The following TSPAN4 variants were observed in gnomAD, a reference collection of about 807,000 sequenced individuals.
TSPAN4 encodes tetraspanin-4.
In TSPAN4, 38 loss-of-function variants were observed where a neutral mutation model predicts 31.5. The ratio of observed to expected loss-of-function variants is 1.21; its 90% CI spans 0.93 to 1.58. The LOEUF (loss-of-function observed/expected upper bound fraction) is 1.58, where lower values mean the gene tolerates loss of function less well. TSPAN4 is among the 40% of genes most tolerant of loss of function. The pLI is 0.00. For missense variants in TSPAN4, 330 were observed against 317.3 expected (o/e 1.04, Z -0.30); for synonymous variants, 186 against 144.6 (o/e 1.29, Z -2.06).
chr11:861,910 G>A (rs1254753439), intron 3 of TSPAN4, among the ~76,000 whole-genome samples: 2 of 152,166 alleles, frequency 1.3e-5, no homozygotes, highest in Non-Finnish European at 2.9e-5. Context: ...GCAACAGGGT[G>A]AGACTCCATC....
At chr11:842,975 A>G (rs1847052472) in intron 1 of TSPAN4, 60 bp downstream of exon 1, 2 of 151,308 alleles carry the variant, frequency 1.3e-5, no homozygotes, top group African/African-American at 4.9e-5. Flanking sequence ...GAGGTGTCCG[A>G]CCGGGAGCGG....
chr11:855,391 G>A lies in TSPAN4; in HGVS notation c.63+5024G>A, dbSNP rs543785933. Among the ~76,000 whole-genome samples, 6 of 152,346 alleles carry A rather than the reference G, an allele frequency of 3.9e-5. No individual in the cohort carries two copies. In the East Asian group the frequency reaches 5.8e-4, roughly 15 times the overall value. ...CAGGCCACCTCCTTGCTGTTCCCAC[G>A]CAGCCCTGCTGCACCCACAGCCCCG... On this transcript the variant is annotated intron_variant, in intron 3 of 8. Coordinates refer to ENST00000397397, the MANE Select transcript of TSPAN4 (RefSeq NM_003271.5).
intron 1 of TSPAN4, among the ~76,000 whole-genome samples, chr11:845,448 C>T (rs575432182): frequency 2.0e-5 from 3 of 152,216 alleles, no homozygotes; most frequent in East Asian, 3.9e-4. Flanking sequence ...TAGATGGGGC[C>T]GAGACTGAAC....
intron 1 of TSPAN4, among the ~76,000 whole-genome samples, chr11:846,439 C>A (rs1459708485): frequency 6.6e-6 from 1 of 152,202 alleles, no homozygotes; most frequent in Non-Finnish European, 1.5e-5. Flanking sequence ...TCTATGGTTC[C>A]CTCCTGCCCT....
At position 865,535 on chromosome 11, in the gene TSPAN4, A is replaced by T; in HGVS notation, c.353A>T (p.Asp118Val). The T allele has an allele frequency of 1.2e-6, 2 of 1,611,834 alleles. No homozygotes were observed. Among genetic ancestry groups the T allele is most frequent in the Non-Finnish European group, 1.7e-6 (2 of 1,179,762 alleles). Residue 118 changes from aspartate (D) to valine (V), a missense_variant, in exon 6 of 9, where the codon GAC (aspartate) becomes GTC (valine). Asp to Val is a radical substitution (Grantham distance 152). Coordinates refer to ENST00000397397, the MANE Select transcript of TSPAN4 (RefSeq NM_003271.5). Reference sequence around the variant, plus strand: ...CAGATTGACAGGTATGCCCAGCAAGACCTGAAGAAAGGCTTGCACCTGTAC... The same window carrying T: ...CAGATTGACAGGTATGCCCAGCAAGTCCTGAAGAAAGGCTTGCACCTGTAC... ...TDKIDRYAQQ[D>V]LKKGLHLYGT...
chr11:850,078 C>G, intron 2 of TSPAN4: 2 of 405,586 alleles, frequency 4.9e-6, no homozygotes, highest in Non-Finnish European at 8.8e-6. Flanking sequence ...AGCCCCTCTC[C>G]GGAGGGCAAG....
intron 3 of TSPAN4, among the ~76,000 whole-genome samples, chr11:853,453 G>A (rs1847869305): frequency 6.6e-6 from 1 of 152,084 alleles, no homozygotes; most frequent in Non-Finnish European, 1.5e-5. Context: ...GGAGGGGAAG[G>A]GAGGGGCTCG....
intron 3 of TSPAN4, among the ~76,000 whole-genome samples, chr11:852,344 G>A (rs1390392956): frequency 6.6e-6 from 1 of 152,106 alleles, no homozygotes; most frequent in East Asian, 1.9e-4. Context: ...GGTTGGTCTC[G>A]AACTCCTGAC....
intron 4 of TSPAN4, 72 bp from the exon 5 acceptor site, chr11:864,364 TG>T (rs1341904289): frequency 1.3e-6 from 2 of 1,570,006 alleles, no homozygotes; most frequent in African/African-American, 2.7e-5. Flanking sequence ...TACGTGGCCC[TG>T]GCCCCTGGCA....
intron 3 of TSPAN4, among the ~76,000 whole-genome samples, chr11:856,462 G>C (rs1013095445): frequency 6.6e-6 from 1 of 152,196 alleles, no homozygotes; most frequent in Non-Finnish European, 1.5e-5. Context: ...CCCCTCTCCT[G>C]GGCTGTTCCC....
intron 1 of TSPAN4, among the ~76,000 whole-genome samples, chr11:844,834 G>A (rs1361240052): frequency 1.3e-5 from 2 of 152,124 alleles, no homozygotes; most frequent in African/African-American, 4.8e-5. Context: ...GCTGCTTCCT[G>A]CTAGAGGAGG....
At chr11:850,496 G>A in intron 3 of TSPAN4, 129 bp downstream of exon 3, 3 of 787,580 alleles carry the variant, frequency 3.8e-6, no homozygotes, top group Non-Finnish European at 6.1e-6. Flanking sequence ...GATGGTCCCG[G>A]GAGGACCCAA....
chr11:866,202 G>A (rs1285106953), intron 8 of TSPAN4, among the ~76,000 whole-genome samples: 2 of 152,180 alleles, frequency 1.3e-5, no homozygotes, highest in African/African-American at 2.4e-5. Flanking sequence ...AGAGGCAGAG[G>A]CTGGTGTGGG....
intron 8 of TSPAN4, 100 bp downstream of exon 8, chr11:866,101 A>C: frequency 7.5e-7 from 1 of 1,328,978 alleles, no homozygotes; most frequent in Non-Finnish European, 1.0e-6. Flanking sequence ...GGAACCCACG[A>C]TCGGGGGAGG....
Position 860,504 on chromosome 11 carries a change from C to A in TSPAN4, c.64-2046C>A, listed in dbSNP as rs536425204. On this transcript the variant is annotated intron_variant, in intron 3 of 8. Transcript: ENST00000397397. ...AGGGGGCATCTCCCACCCCCAGGCC[C>A]CCTGAGGCAAGAGTGTTGGGGCTCA... 1.1e-4 allele frequency among the ~76,000 whole-genome samples: 16 copies of A among 152,334 alleles called. No individual in the cohort carries two copies. The East Asian group carries it at 3.1e-3, about 29-fold the overall frequency.
At chr11:854,989 A>T (rs1277391345) in intron 3 of TSPAN4, among the ~76,000 whole-genome samples, 2 of 152,194 alleles carry the variant, frequency 1.3e-5, no homozygotes, top group Non-Finnish European at 1.5e-5. Flanking sequence ...AGCGTGTCTG[A>T]GCCTTGGGGA....
intron 3 of TSPAN4, among the ~76,000 whole-genome samples, chr11:850,936 G>A (rs1486480693): frequency 6.6e-6 from 1 of 152,272 alleles, no homozygotes; most frequent in Non-Finnish European, 1.5e-5. Context: ...GAGCAGGGCC[G>A]TGGGCCATCA....
rs1848503148 is a variant in TSPAN4, at chr11:862,353, GC to G, written c.64-194del. ...GTGTGGGTTTGGGGATGGGGTGCCAGCCCAGGGTGTCGGGAAAGACTGGCCT... is the reference window on the plus strand; with the variant it reads ...GTGTGGGTTTGGGGATGGGGTGCCAGCCAGGGTGTCGGGAAAGACTGGCCT... On this transcript the variant is annotated intron_variant, in intron 3 of 8. Transcript: ENST00000397397. 4 of 567,112 alleles carry G rather than the reference GC, an allele frequency of 7.1e-6. No homozygotes were observed. In the South Asian group the frequency reaches 9.2e-5, roughly 13 times the overall value. The allele number at this position is 567,112 out of a possible 1,614,324, so 35.1% of individuals were successfully genotyped here. A position where few individuals can be genotyped will look rare whatever the true frequency, so the allele number is the denominator to read the frequency against.
At position 849,019 on chromosome 11, in the gene TSPAN4, C is replaced by G. The variant is rs1213957521; in HGVS notation, c.-17-1269C>G. The G allele has an allele frequency of 1.2e-5, 7 of 595,618 alleles. 1 individual carries two copies. Among genetic ancestry groups the G allele is most frequent in the Non-Finnish European group, 2.2e-5 (7 of 323,522 alleles). The allele number at this position is 595,618 out of a possible 1,614,324, so 36.9% of individuals were successfully genotyped here. Reference sequence around the variant, plus strand: ...GCTGGAGCAAAATGAAATTCTGGGCCCCTTGTTTAAAAATTACCAAGAATT... The same window carrying G: ...GCTGGAGCAAAATGAAATTCTGGGCGCCTTGTTTAAAAATTACCAAGAATT... On this transcript the variant is annotated intron_variant, in intron 2 of 8. Coordinates refer to ENST00000397397, the MANE Select transcript of TSPAN4 (RefSeq NM_003271.5).
Sources: allele counts gnomAD v4.1 joint callset (sites outside exome capture counted in the v4.1 genomes callset), GRCh38; gene constraint gnomAD v4.1.1; transcripts MANE v1.5; gene names NCBI Gene and HGNC (gene_info 2026-07-23, HGNC 2026-07-21).